The following TH variants were observed in gnomAD, a reference collection of about 807,000 sequenced individuals.
TH encodes the protein tyrosine 3-monooxygenase.
TH carries 49 observed loss-of-function variants against 57.4 expected under a neutral mutation model. The ratio of observed to expected loss-of-function variants is 0.85; its 90% CI spans 0.68 to 1.08. The LOEUF (loss-of-function observed/expected upper bound fraction) is 1.08, where lower values mean the gene tolerates loss of function less well. Ranked by LOEUF, TH falls within the 50% of genes least tolerant of loss-of-function variation. TH has a pLI of 0.00. For missense variants in TH, 720 were observed against 696.7 expected, an observed-to-expected ratio of 1.03 and a Z score of -0.38; for synonymous variants, 330 against 304.5, an observed-to-expected ratio of 1.08 and a Z score of -0.87.
chr11:2,165,973 C>A, intron 10 of TH, 29 bp downstream of exon 10: 2 of 1,556,204 alleles, frequency 1.3e-6, no homozygotes, highest in East Asian at 2.4e-5. Context: ...AACCCACACC[C>A]CAGGCCCTGC....
intron 12 of TH, 117 bp downstream of exon 12, chr11:2,165,115 G>A (rs901689129): frequency 7.1e-5 from 106 of 1,499,170 alleles, no homozygotes; most frequent in Admixed American, 4.9e-4. Flanking sequence ...ACCAGGGGTC[G>A]GTTTTCTCAT....
At chr11:2,167,231 G>T in intron 6 of TH, 199 bp from the exon 7 acceptor site, 2 of 969,758 alleles carry the variant, frequency 2.1e-6, no homozygotes, top group Non-Finnish European at 3.0e-6. Flanking sequence ...ATGAGGGGCG[G>T]TCCCTCAGCA....
At chr11:2,167,809 A>C in intron 5 of TH, 57 bp downstream of exon 5, 5 of 1,510,224 alleles carry the variant, frequency 3.3e-6, no homozygotes, top group Non-Finnish European at 2.7e-6. Context: ...CCCACCCCCC[A>C]GGTCCAGCGT....
chr11:2,168,862 C>G, intron 2 of TH, 197 bp from the exon 3 acceptor site: 2 of 701,164 alleles, frequency 2.9e-6, no homozygotes, highest in African/African-American at 1.8e-5. Context: ...TTGCCACTGG[C>G]AAGTTGGATT....
In TH at chr11:2,164,471, G is replaced by C. The variant is rs565816803; in HGVS notation, c.1335-79C>G. The stretch of plus-strand genomic sequence containing the variant: ...TCCAGGAGAGGGGAGGCCAGGGGCC[G>C]CGTTTCCACCTTCACAGTGGCTCAG... On this transcript the variant is annotated intron_variant, in intron 12 of 12. Transcript: ENST00000352909. 216 of 1,499,986 alleles carry C rather than the reference G, an allele frequency of 1.4e-4. 1 individual carries two copies. In the South Asian group the frequency reaches 2.7e-3, roughly 19 times the overall value. 92.9% of individuals were successfully genotyped at this position (1,499,986 alleles called of 1,614,324 possible).
Position 2,167,014 on chromosome 11 carries a change from C to A in TH, c.714G>T (p.Thr238=). The change falls in exon 7 of 13, where the codon ACG becomes ACT. Residue 238 remains threonine, a synonymous_variant. Coordinates refer to ENST00000352909, the MANE Select transcript of TH (RefSeq NM_000360.4). ...EIATWKEVYT[T]LKGLYATHAC... is the part of the protein sequence containing the mutation. ...CGTGCGTGGCGTAGAGGCCCTTCAG[C>A]GTGGTGTAGACCTCCTTCCTGCGGG... 7 of 1,585,368 alleles carry A rather than the reference C, an allele frequency of 4.4e-6. No homozygotes were observed. Among genetic ancestry groups the A allele is most frequent in the South Asian group, 1.2e-5 (1 of 86,946 alleles).
rs1846100489 is a variant in TH at position 2,166,678 on chromosome 11, G to T, written c.932C>A (p.Thr311Asn). 3.2e-6 allele frequency: 5 copies of T among 1,566,220 alleles called. No homozygotes were observed. The highest frequency in any genetic ancestry group is 1.3e-5 in the African/African-American group (1 of 74,210). The change falls in exon 8 of 13, where the codon ACC (threonine) becomes AAC (asparagine). Residue 311 changes from threonine to asparagine, a missense_variant. Coordinates refer to ENST00000352909, the MANE Select transcript of TH (RefSeq NM_000360.4). ...CGAGGACGCGTGGCGGATATACTGG[G>T]TGCACTGGAACACGCGGAAGGCCAG... ...ASLAFRVFQC[T>N]QYIRHASSPM...
At chr11:2,165,592 G>T (rs975188540) in intron 11 of TH, 76 bp downstream of exon 11, 1 of 1,512,366 alleles carries the variant, frequency 6.6e-7, no homozygotes, top group Non-Finnish European at 9.1e-7. Context: ...TCCTCCCACT[G>T]GGAGCCTGTC....
At chr11:2,167,131 A>G in intron 6 of TH, 99 bp from the exon 7 acceptor site, 1 of 1,503,104 alleles carries the variant, frequency 6.7e-7, no homozygotes, top group Non-Finnish European at 9.0e-7. Flanking sequence ...AGCCCCTACC[A>G]ACGCAGGCCT....
intron 1 of TH, 115 bp from the exon 2 acceptor site, chr11:2,169,986 AGCACGTTTTTGAGC>A (rs1386245050): frequency 1.8e-6 from 2 of 1,134,812 alleles, no homozygotes; most frequent in African/African-American, 3.1e-5. Flanking sequence ...AGGGGATGAG[AGCACGTTTTTGAGC>A]GCCTACTGTG....
At chr11:2,167,193 T>G (rs1057353546) in intron 6 of TH, 161 bp from the exon 7 acceptor site, 2 of 1,181,238 alleles carry the variant, frequency 1.7e-6, no homozygotes, top group African/African-American at 3.1e-5. Flanking sequence ...TGCTGGTGGC[T>G]TTAGGGAATC....
intron 9 of TH, 182 bp downstream of exon 9, chr11:2,166,298 A>T: frequency 1.1e-6 from 1 of 943,738 alleles, no homozygotes. Context: ...GTGGCAGCAC[A>T]GGCCGTGGGA....
At chr11:2,168,288 G>T in intron 3 of TH, 109 bp from the exon 4 acceptor site, 1 of 1,393,888 alleles carries the variant, frequency 7.2e-7, no homozygotes, top group Non-Finnish European at 1.0e-6. Context: ...AGAGGCAGCC[G>T]GGGCTGTGAG....
chr11:2,169,956 C>T lies in TH; in HGVS notation c.91-85G>A, dbSNP rs148417789. On this transcript the variant is annotated intron_variant, in intron 1 of 12. Coordinates refer to ENST00000352909, the MANE Select transcript of TH (RefSeq NM_000360.4). ...CACAGCTGGTCCCACAGTCGGGCAG[C>T]GCTGATGGCACACAGAGGCAGGGGA... 520 of 1,354,492 alleles carry T rather than the reference C, an allele frequency of 3.8e-4. No homozygotes were observed. The African/African-American group carries it at 6.2e-3, about 16-fold the overall frequency. 83.9% of individuals were successfully genotyped at this position (1,354,492 alleles called of 1,614,324 possible). A position where few individuals can be genotyped will look rare whatever the true frequency, so the allele number is the denominator to read the frequency against.
At position 2,166,536 on chromosome 11, in the gene TH, C is replaced by T. The variant is rs1260079066; in HGVS notation, c.991G>A (p.Glu331Lys). 2 of 1,602,586 alleles carry T rather than the reference C, an allele frequency of 1.2e-6. No homozygotes were observed. The highest frequency in any genetic ancestry group is 1.7e-6 in the Non-Finnish European group (2 of 1,177,094). ...AGCATGGGCACGTGCCCCAGCAGCT[C>T]GTGGCAGCAGTCCCTGCGCGTAGGA... The part of the protein sequence containing the change: ...MHSPEPDCCH[E>K]LLGHVPMLAD... Residue 331 changes from glutamate (E) to lysine (K), a missense_variant, in exon 9 of 13, where the codon GAG becomes AAG. Glu to Lys is a moderately conservative substitution (Grantham distance 56, BLOSUM62 1). Transcript: ENST00000352909.
intron 2 of TH, 74 bp from the exon 3 acceptor site, chr11:2,168,739 G>GT: frequency 2.2e-6 from 1 of 449,654 alleles, no homozygotes; most frequent in Non-Finnish European, 4.5e-6. Flanking sequence ...GGGGTGGGCG[G>GT]GGAGGAGGCA....
In TH at chr11:2,164,128, G is replaced by A; in HGVS notation, c.*105C>T. 9.5e-7 allele frequency: 1 copy of A among 1,055,246 alleles called. No individual in the cohort carries two copies. 65.4% of individuals were successfully genotyped at this position (1,055,246 alleles called of 1,614,324 possible). On this transcript the variant is annotated 3_prime_UTR_variant, in exon 13 of 13. Transcript: ENST00000352909. ...GGGGCAGTGGGAGCCTGGCAGCAGG[G>A]AGGGCATGGGGGGCACCCGGGACCC...
chr11:2,165,532 C>T lies in TH; in HGVS notation c.1200+136G>A, dbSNP rs551731725. ...ATGTGGGGTGAGGACTGGGCAGAGA[C>T]AAGCCTTCTCCCAAACAGAGCCTGA... On this transcript the variant is annotated intron_variant, in intron 11 of 12. Transcript: ENST00000352909. 43 of 1,352,608 alleles carry T rather than the reference C, an allele frequency of 3.2e-5. No individual in the cohort carries two copies. In the East Asian group the frequency reaches 7.6e-4, roughly 24 times the overall value. The allele number at this position is 1,352,608 out of a possible 1,614,324, so 83.8% of individuals were successfully genotyped here. A position where few individuals can be genotyped will look rare whatever the true frequency, so the allele number is the denominator to read the frequency against.
intron 9 of TH, 82 bp downstream of exon 9, chr11:2,166,398 C>G (rs966191555): frequency 1.1e-5 from 16 of 1,493,664 alleles, no homozygotes; most frequent in Non-Finnish European, 1.3e-5. Context: ...ACACTTCACC[C>G]ACCCGCACAT....
Sources: gnomAD v4.1 joint callset for allele counts on GRCh38, gnomAD v4.1.1 for gene constraint, MANE v1.5 for transcripts, NCBI Gene and HGNC (gene_info 2026-07-23, HGNC 2026-07-21) for gene names.